CDH12: variants seen among roughly 807,000 people sequenced by gnomAD.
CDH12 encodes the protein cadherin 12, also known as cadherin-12.
A neutral mutation model predicts 74.1 loss-of-function variants in CDH12; 41 were observed. The observed-to-expected ratio is 0.55, with a 90% CI of 0.43 to 0.72. The LOEUF (loss-of-function observed/expected upper bound fraction) is 0.72, where lower values mean the gene tolerates loss of function less well. Among genes scored for constraint, CDH12 ranks in the 30% least tolerant of loss-of-function variants. The pLI is 0.00. For synonymous variants in CDH12, 399 were observed against 355.0 expected (o/e 1.12, Z -1.39); for missense variants, 945 against 977.2 (o/e 0.97, Z 0.44).
At chr5:21,918,168 T>C (rs986732) in intron 6 of CDH12, among the ~76,000 whole-genome samples, 110,284 of 151,686 alleles carry the variant, frequency 0.73, 43,175 homozygotes, top group East Asian at 0.93. Context: ...TGTTTCACTG[T>C]TCCTTAAAAA....
chr5:22,401,017 C>T (rs1000284114), intron 3 of CDH12, among the ~76,000 whole-genome samples: 3 of 152,226 alleles, frequency 2.0e-5, no homozygotes, highest in Middle Eastern at 3.4e-3. Context: ...TTGAATATTT[C>T]CATATAATAA....
intron 3 of CDH12, among the ~76,000 whole-genome samples, chr5:22,231,370 C>A (rs1752377737): frequency 6.6e-6 from 1 of 151,646 alleles, no homozygotes; most frequent in South Asian, 2.1e-4. Context: ...CTATGGTTTT[C>A]TTAATTATTT....
chr5:22,678,196 T>C (rs905002912), intron 1 of CDH12, among the ~76,000 whole-genome samples: 3 of 152,038 alleles, frequency 2.0e-5, no homozygotes, highest in African/African-American at 7.2e-5. Context: ...GAAACCGACA[T>C]TTACTGTAAA....
chr5:22,238,728 ATT>A (rs1380902415), intron 3 of CDH12, among the ~76,000 whole-genome samples: 9 of 152,210 alleles, frequency 5.9e-5, no homozygotes, highest in Non-Finnish European at 1.3e-4. Context: ...GAATGCATGC[ATT>A]TAAAATGGAA....
intron 5 of CDH12, among the ~76,000 whole-genome samples, chr5:22,010,912 C>T (rs1737258629): frequency 3.9e-5 from 6 of 152,036 alleles, no homozygotes; most frequent in African/African-American, 1.4e-4. Context: ...TGTGTCTTAA[C>T]AGTCTTTGAA....
rs186414394 is a variant in CDH12 at position 22,323,248 on chromosome 5, A to T, written c.-333+82009T>A. Among the ~76,000 whole-genome samples the T allele has an allele frequency of 3.9e-5, 6 of 152,278 alleles. No individual in the cohort carries two copies. The East Asian group carries it at 1.2e-3, about 29-fold the overall frequency. ...GTTTCATGTTTTCTACCTCTTAGAA[A>T]ATTTGACTGGATTGACTTCCTGTTA... On this transcript the variant is annotated intron_variant, in intron 3 of 14. Transcript: ENST00000382254.
At chr5:22,499,733 C>T (rs879476835) in intron 2 of CDH12, among the ~76,000 whole-genome samples, 2 of 152,120 alleles carry the variant, frequency 1.3e-5, no homozygotes, top group Non-Finnish European at 2.9e-5. Context: ...GCCCAAATTA[C>T]AGTATCTGGC....
chr5:22,297,527 C>A (rs898000088), intron 3 of CDH12, among the ~76,000 whole-genome samples: 6 of 152,092 alleles, frequency 3.9e-5, no homozygotes, highest in African/African-American at 1.4e-4. Context: ...TTTCACACTC[C>A]TTGATAGGAA....
chr5:22,016,710 C>T lies in CDH12; in HGVS notation c.232-41325G>A, dbSNP rs566880586. Among the ~76,000 whole-genome samples the T allele has an allele frequency of 6.6e-5, 10 of 152,054 alleles. 1 individual carries two copies. Among genetic ancestry groups the T allele is most frequent in the African/African-American group, 2.2e-4 (9 of 41,468 alleles). On this transcript the variant is annotated intron_variant, in intron 5 of 14. Transcript: ENST00000382254. The stretch of plus-strand genomic sequence containing the variant: ...CTTGTATAAGGTTTTAAAAGTTCCC[C>T]AATTTAGCCTTCACTCAGTATAAGA...
intron 3 of CDH12, among the ~76,000 whole-genome samples, chr5:22,241,192 TATAA>T (rs1166098865): frequency 6.6e-6 from 1 of 152,104 alleles, no homozygotes; most frequent in African/African-American, 2.4e-5. Context: ...ATGTATTTAT[TATAA>T]ATACTATTTA....
At chr5:21,772,715 T>A (rs1239392898) in intron 11 of CDH12, among the ~76,000 whole-genome samples, 17 of 152,170 alleles carry the variant, frequency 1.1e-4, no homozygotes, top group Non-Finnish European at 2.5e-4. Context: ...AGATAACAAT[T>A]CCATGTAAAA....
chr5:22,261,891 A>G (rs1365215125), intron 3 of CDH12, among the ~76,000 whole-genome samples: 1 of 152,084 alleles, frequency 6.6e-6, no homozygotes, highest in Non-Finnish European at 1.5e-5. Flanking sequence ...CCCTCAAACA[A>G]CAAACCCAAT....
intron 1 of CDH12, among the ~76,000 whole-genome samples, chr5:22,797,789 ATC>A (rs745930483): frequency 6.6e-6 from 1 of 151,860 alleles, no homozygotes; most frequent in East Asian, 2.0e-4. Flanking sequence ...AAATAAAAAT[ATC>A]TGACTTAAGA....
At chr5:22,019,431 A>T (rs1012499389) in intron 5 of CDH12, among the ~76,000 whole-genome samples, 1 of 152,226 alleles carries the variant, frequency 6.6e-6, no homozygotes, top group African/African-American at 2.4e-5. Flanking sequence ...CCTATGTTGA[A>T]ATTGTAACTC....
chr5:22,501,228 C>T (rs775716066), intron 2 of CDH12, among the ~76,000 whole-genome samples: 6 of 152,148 alleles, frequency 3.9e-5, no homozygotes, highest in Non-Finnish European at 8.8e-5. Context: ...ACCTTTGTGT[C>T]TCTTGAGTGT....
chr5:22,708,762 T>C (rs2126970713), intron 1 of CDH12, among the ~76,000 whole-genome samples: 1 of 152,206 alleles, frequency 6.6e-6, no homozygotes, highest in East Asian at 1.9e-4. Flanking sequence ...GTGAAATAAA[T>C]AAAATAGAAA....
At chr5:22,492,289 G>A (rs538301182) in intron 2 of CDH12, among the ~76,000 whole-genome samples, 9 of 151,678 alleles carry the variant, frequency 5.9e-5, no homozygotes, top group South Asian at 2.1e-4. Context: ...TCCAGTCTCC[G>A]TTCCCAGACT....
At chr5:22,733,958 C>A (rs1744560969) in intron 1 of CDH12, among the ~76,000 whole-genome samples, 1 of 152,038 alleles carries the variant, frequency 6.6e-6, no homozygotes, top group African/African-American at 2.4e-5. Context: ...AGCCAGTCAA[C>A]AATATCCCCC....
intron 2 of CDH12, among the ~76,000 whole-genome samples, chr5:22,407,177 C>T (rs1412740155): frequency 1.3e-5 from 2 of 152,064 alleles, no homozygotes. Context: ...GTGCCATTGA[C>T]ATCTCAAACT....
Sources: allele counts gnomAD v4.1 joint callset (sites outside exome capture counted in the v4.1 genomes callset), GRCh38; gene constraint gnomAD v4.1.1; transcripts MANE v1.5; gene names NCBI Gene and HGNC (gene_info 2026-07-23, HGNC 2026-07-21).